PELI2: variants seen among roughly 807,000 people sequenced by gnomAD.
PELI2 encodes the protein E3 ubiquitin-protein ligase pellino homolog 2.
A neutral mutation model predicts 42.3 loss-of-function variants in PELI2; 23 were observed. That is an observed-to-expected ratio of 0.54 (90% CI 0.39 to 0.77). The LOEUF (loss-of-function observed/expected upper bound fraction) is 0.77. Ranked by LOEUF, PELI2 falls within the 30% of genes least tolerant of loss-of-function variation. PELI2 has a pLI of 0.00. For synonymous variants in PELI2, 245 were observed against 212.2 expected, an observed-to-expected ratio of 1.15 and a Z score of -1.34; for missense variants, 463 against 553.2, an observed-to-expected ratio of 0.84 and a Z score of 1.64.
chr14:56,252,048 AG>A (rs1261646281), intron 2 of PELI2, among the ~76,000 whole-genome samples: 2 of 152,236 alleles, frequency 1.3e-5, no homozygotes, highest in Non-Finnish European at 2.9e-5. Context: ...TCAGACACCT[AG>A]GATACTTGGG....
intron 2 of PELI2, among the ~76,000 whole-genome samples, chr14:56,249,601 C>G (rs1888275146): frequency 1.3e-5 from 2 of 152,206 alleles, no homozygotes; most frequent in Non-Finnish European, 1.5e-5. Context: ...AACCCCAGTA[C>G]TGAGCATGCT....
intron 2 of PELI2, among the ~76,000 whole-genome samples, chr14:56,200,566 T>G (rs1022587723): frequency 6.6e-6 from 1 of 152,204 alleles, no homozygotes; most frequent in Non-Finnish European, 1.5e-5. Context: ...GAAATCTCAC[T>G]AAAGGGCTGG....
intron 2 of PELI2, among the ~76,000 whole-genome samples, chr14:56,247,871 T>C (rs1172055993): frequency 1.3e-5 from 2 of 152,232 alleles, no homozygotes; most frequent in Admixed American, 1.3e-4. Flanking sequence ...TAATCTTTGC[T>C]ACCCAGTCTG....
At chr14:56,203,523 C>T (rs1418622746) in intron 2 of PELI2, among the ~76,000 whole-genome samples, 2 of 151,848 alleles carry the variant, frequency 1.3e-5, no homozygotes, top group South Asian at 2.1e-4. Flanking sequence ...TTTCTGGGAA[C>T]TATTTGATTT....
chr14:56,219,615 C>T lies in PELI2; in HGVS notation c.207+41151C>T, dbSNP rs181820282. Among the ~76,000 whole-genome samples, 1 of 152,230 alleles carries T rather than the reference C, an allele frequency of 6.6e-6. No homozygotes were observed. The highest frequency in any genetic ancestry group is 6.5e-5 in the Admixed American group (1 of 15,302). On this transcript the variant is annotated intron_variant, in intron 2 of 5. Transcript: ENST00000267460. This position sits in a 1 kb window ranked among gnomAD's most constrained non-coding sequence, Gnocchi z 4.1. ...CACACTCATAAGAGGCCTCCTTAGT[C>T]CTACTCCCAGGACACATTTGTTCTT...
intron 2 of PELI2, among the ~76,000 whole-genome samples, chr14:56,207,308 G>A (rs943542574): frequency 2.7e-4 from 41 of 152,074 alleles, no homozygotes; most frequent in Admixed American, 2.5e-3. Flanking sequence ...TGACTGCTGT[G>A]TTCTAGTCAC....
chr14:56,246,067 T>C (rs1168601690), intron 2 of PELI2, among the ~76,000 whole-genome samples: 2 of 152,280 alleles, frequency 1.3e-5, no homozygotes, highest in Admixed American at 1.3e-4. Context: ...ATAGATCATA[T>C]AAATCTTAAA....
At chr14:56,140,338 CT>C (rs1176142507) in intron 1 of PELI2, among the ~76,000 whole-genome samples, 1 of 152,220 alleles carries the variant, frequency 6.6e-6, no homozygotes, top group Non-Finnish European at 1.5e-5. Flanking sequence ...TCTATGGTCA[CT>C]TTAAATGAAA....
intron 2 of PELI2, among the ~76,000 whole-genome samples, chr14:56,247,169 A>G (rs1372337219): frequency 6.6e-6 from 1 of 152,244 alleles, no homozygotes; most frequent in African/African-American, 2.4e-5. Flanking sequence ...TAATGTGTGT[A>G]TGAAAATCAA....
chr14:56,156,298 C>A (rs531111744), intron 1 of PELI2, among the ~76,000 whole-genome samples: 2 of 152,146 alleles, frequency 1.3e-5, no homozygotes, highest in South Asian at 4.1e-4. Flanking sequence ...CAACCCCAAG[C>A]AAAATATATT....
At chr14:56,260,339 T>C (rs777151166) in intron 2 of PELI2, among the ~76,000 whole-genome samples, 6 of 152,164 alleles carry the variant, frequency 3.9e-5, no homozygotes, top group Non-Finnish European at 7.3e-5. Flanking sequence ...CATAATGACA[T>C]AGATAAATCT....
At chr14:56,186,867 G>A (rs766066928) in intron 2 of PELI2, among the ~76,000 whole-genome samples, 1 of 152,168 alleles carries the variant, frequency 6.6e-6, no homozygotes, top group Non-Finnish European at 1.5e-5. Flanking sequence ...AGTGCGGAAA[G>A]AATAGTTCTA....
rs1375083422 is a variant in PELI2 at position 56,162,690 on chromosome 14, G to T, written c.78-15645G>T. 5.3e-5 allele frequency among the ~76,000 whole-genome samples: 8 copies of T among 152,284 alleles called. 2 individuals carry two copies. The Middle Eastern group carries it at 0.027, about 518-fold the overall frequency. On this transcript the variant is annotated intron_variant, in intron 1 of 5. Transcript: ENST00000267460. Reference sequence around the variant, plus strand: ...TAGTTTTTTGAGGAACCTCCAAACTGTTCTTATAGTGGTTGTACTAATTTA... The same window carrying T: ...TAGTTTTTTGAGGAACCTCCAAACTTTTCTTATAGTGGTTGTACTAATTTA...
At chr14:56,216,313 A>G (rs1351675380) in intron 2 of PELI2, among the ~76,000 whole-genome samples, 1 of 152,206 alleles carries the variant, frequency 6.6e-6, no homozygotes, top group Non-Finnish European at 1.5e-5. Flanking sequence ...TATGTTTTCT[A>G]TCTTCTAAGC....
chr14:56,166,792 T>C (rs945895213), intron 1 of PELI2, among the ~76,000 whole-genome samples: 3 of 152,172 alleles, frequency 2.0e-5, no homozygotes, highest in African/African-American at 7.2e-5. Flanking sequence ...TTTCTTTCTT[T>C]TTTTTTATTT....
intron 2 of PELI2, among the ~76,000 whole-genome samples, chr14:56,187,358 A>T (rs192599931): frequency 6.6e-6 from 1 of 152,230 alleles, no homozygotes; most frequent in Non-Finnish European, 1.5e-5. Context: ...TTATTTAAGT[A>T]TCAGTGTTAG....
chr14:56,181,916 C>T (rs1236736126), intron 2 of PELI2, among the ~76,000 whole-genome samples: 3 of 151,848 alleles, frequency 2.0e-5, no homozygotes, highest in Middle Eastern at 3.4e-3. Flanking sequence ...CATTCTGTTG[C>T]ATAGGCATAG....
intron 2 of PELI2, among the ~76,000 whole-genome samples, chr14:56,182,705 G>A (rs1323436167): frequency 2.6e-5 from 4 of 152,130 alleles, no homozygotes; most frequent in South Asian, 2.1e-4. Flanking sequence ...GCTCTTCACC[G>A]TGTTTGGGCT....
rs113767122 is a variant in PELI2, at chr14:56,301,301, T to C, written c.*4135T>C. On this transcript the variant is annotated 3_prime_UTR_variant, in exon 6 of 6. Transcript: ENST00000267460. Reference sequence around the variant, plus strand: ...AAAAACTATTAAATGGATATCAGCCTGTTTGTGAGCCATTGTCTTCAGATT... The same window carrying C: ...AAAAACTATTAAATGGATATCAGCCCGTTTGTGAGCCATTGTCTTCAGATT... The C allele has an allele frequency of 0.012, 1,805 of 152,768 alleles. 34 individuals are homozygous for C. The highest frequency in any genetic ancestry group is 0.049 in the Admixed American group (757 of 15,300). 9.5% of individuals were successfully genotyped at this position (152,768 alleles called of 1,614,324 possible).
Sources: gnomAD v4.1 joint callset for allele counts (sites outside exome capture counted in the v4.1 genomes callset) on GRCh38, gnomAD v4.1.1 for gene constraint, Gnocchi (gnomAD v3.1) non-coding constraint, MANE v1.5 for transcripts, NCBI Gene and HGNC (gene_info 2026-07-23, HGNC 2026-07-21) for gene names.